PRKCA: variants seen among roughly 807,000 people sequenced by gnomAD.
PRKCA encodes protein kinase C alpha type.
Under a neutral mutation model 87.0 loss-of-function variants are expected in PRKCA, and 27 were observed. The observed-to-expected ratio is 0.31, with a 90% CI of 0.23 to 0.43. The LOEUF (loss-of-function observed/expected upper bound fraction) is 0.43, where lower values mean the gene tolerates loss of function less well. PRKCA is among the 20% of genes least tolerant of loss of function. PRKCA has a pLI of 1.00. For synonymous variants in PRKCA, 329 were observed against 311.1 expected (o/e 1.06, Z -0.61); for missense variants, 518 against 852.3 (o/e 0.61, Z 4.88).
intron 13 of PRKCA, among the ~76,000 whole-genome samples, chr17:66,752,903 G>T (rs1179562228): frequency 6.6e-6 from 1 of 152,156 alleles, no homozygotes; most frequent in Admixed American, 6.5e-5. Flanking sequence ...CGTTCTGCAG[G>T]TCAAAGACAG....
intron 8 of PRKCA, among the ~76,000 whole-genome samples, chr17:66,725,453 G>C (rs1049445298): frequency 2.0e-5 from 3 of 152,218 alleles, no homozygotes; most frequent in Non-Finnish European, 1.5e-5. Context: ...ATACAAACTT[G>C]AGTAAGACTT....
Position 66,596,663 on chromosome 17 carries a change from C to T in PRKCA, c.289-44692C>T, listed in dbSNP as rs538867204. Among the ~76,000 whole-genome samples the T allele has an allele frequency of 4.0e-3, 419 of 104,622 alleles. 4 individuals carry two copies. The highest frequency in any genetic ancestry group is 0.016 in the African/African-American group (400 of 24,474). The allele number at this position is 104,622 out of a possible 152,430, so 68.6% of individuals were successfully genotyped here. A position where few individuals can be genotyped will look rare whatever the true frequency, so the allele number is the denominator to read the frequency against. ...GTTACATATGTATACATGTGCCATG[C>T]TGGTGCGCTGCACCCACTAACGTGT... On this transcript the variant is annotated intron_variant, in intron 3 of 16. Coordinates refer to ENST00000413366, the MANE Select transcript of PRKCA (RefSeq NM_002737.3).
intron 2 of PRKCA, among the ~76,000 whole-genome samples, chr17:66,371,322 T>C (rs1034324905): frequency 1.3e-5 from 2 of 152,222 alleles, no homozygotes; most frequent in African/African-American, 4.8e-5. Context: ...CCACCTGTTC[T>C]GCATGAGAGC....
chr17:66,340,377 T>TTC (rs1415678358), intron 2 of PRKCA, among the ~76,000 whole-genome samples: 3 of 130,356 alleles, frequency 2.3e-5, no homozygotes, highest in Non-Finnish European at 4.7e-5. Context: ...TTTTTTTTTT[T>TTC]TTCTTTTTTT....
At chr17:66,526,575 G>A (rs1043782261) in intron 3 of PRKCA, among the ~76,000 whole-genome samples, 2 of 152,168 alleles carry the variant, frequency 1.3e-5, no homozygotes, top group African/African-American at 4.8e-5. Context: ...AGGAGGATGG[G>A]CAGAAACACT....
intron 3 of PRKCA, among the ~76,000 whole-genome samples, chr17:66,638,021 A>G (rs1971189563): frequency 6.6e-6 from 1 of 152,136 alleles, no homozygotes; most frequent in Non-Finnish European, 1.5e-5. Context: ...CTCTGCCATT[A>G]TAGCCAAAGA....
intron 14 of PRKCA, among the ~76,000 whole-genome samples, chr17:66,784,500 G>A (rs1334182456): frequency 6.6e-5 from 10 of 152,118 alleles, no homozygotes; most frequent in Admixed American, 1.3e-4. Flanking sequence ...ACCCACGTTG[G>A]CCTCCCAAAG....
At chr17:66,714,953 A>G (rs547868999) in intron 8 of PRKCA, among the ~76,000 whole-genome samples, 1 of 152,314 alleles carries the variant, frequency 6.6e-6, no homozygotes, top group African/African-American at 2.4e-5. Context: ...TGGATTAAAA[A>G]GGCTCAGTGA....
At chr17:66,653,762 G>C (rs1971653204) in intron 5 of PRKCA, among the ~76,000 whole-genome samples, 1 of 138,894 alleles carries the variant, frequency 7.2e-6, no homozygotes, top group African/African-American at 2.8e-5. Context: ...AAAGACACCA[G>C]CTTCTATTTC....
At position 66,618,866 on chromosome 17, in the gene PRKCA, T is replaced by C. The variant is rs59089431; in HGVS notation, c.289-22489T>C. 2.1e-3 allele frequency among the ~76,000 whole-genome samples: 318 copies of C among 151,888 alleles called. 1 individual carries two copies. Among genetic ancestry groups the C allele is most frequent in the African/African-American group, 7.3e-3 (303 of 41,502 alleles). ...ATAAATCTTCCCTCCCTCCCTCCCT[T>C]CCTTCCTTCCATTTGCTCATTTATT... is the stretch of plus-strand genomic sequence containing the variant. On this transcript the variant is annotated intron_variant, in intron 3 of 16. Transcript: ENST00000413366.
intron 3 of PRKCA, among the ~76,000 whole-genome samples, chr17:66,618,678 G>A (rs1037597607): frequency 6.6e-6 from 1 of 152,186 alleles, no homozygotes; most frequent in Non-Finnish European, 1.5e-5. Context: ...CCTTACTCAT[G>A]AATTTTAATA....
At position 66,588,083 on chromosome 17, in the gene PRKCA, C is replaced by T. The variant is rs374720437; in HGVS notation, c.289-53272C>T. Among the ~76,000 whole-genome samples the T allele has an allele frequency of 2.8e-4, 43 of 151,948 alleles. 1 individual carries two copies. The East Asian group carries it at 7.4e-3, about 26-fold the overall frequency. On this transcript the variant is annotated intron_variant, in intron 3 of 16. Transcript: ENST00000413366. Reference sequence around the variant, plus strand: ...AAAGTGTCTGAACCAATTTACATTCCACCAGCAGTGTTGGAGGATTCTACT... The same window carrying T: ...AAAGTGTCTGAACCAATTTACATTCTACCAGCAGTGTTGGAGGATTCTACT...
intron 2 of PRKCA, among the ~76,000 whole-genome samples, chr17:66,330,377 G>A (rs567607444): frequency 6.8e-4 from 104 of 152,296 alleles, no homozygotes; most frequent in South Asian, 2.5e-3. Context: ...AAAGTGCTGG[G>A]ATTACAGGCG....
At chr17:66,687,007 C>A in intron 5 of PRKCA, 104 bp from the exon 6 acceptor site, 2 of 1,070,920 alleles carry the variant, frequency 1.9e-6, no homozygotes, top group Non-Finnish European at 2.7e-6. Flanking sequence ...TCTCCTTAAA[C>A]GCCATTCTGA....
At chr17:66,326,202 T>C (rs1479280766) in intron 2 of PRKCA, among the ~76,000 whole-genome samples, 1 of 152,230 alleles carries the variant, frequency 6.6e-6, no homozygotes, top group Non-Finnish European at 1.5e-5. Context: ...AGTGTTTGAA[T>C]GTAGAGCTTC....
intron 3 of PRKCA, among the ~76,000 whole-genome samples, chr17:66,562,088 TAAATATATATAATTA>T (rs1968705856): frequency 1.8e-5 from 2 of 112,806 alleles, no homozygotes; most frequent in Non-Finnish European, 3.8e-5. Flanking sequence ...TATATATAAT[TAAATATATATAATTA>T]AATTATATAT....
chr17:66,520,890 C>CT (rs1967138166), intron 3 of PRKCA, among the ~76,000 whole-genome samples: 1 of 152,196 alleles, frequency 6.6e-6, no homozygotes, highest in African/African-American at 2.4e-5. Context: ...TCTCTGAGGT[C>CT]TGTCATTCCT....
At chr17:66,695,548 T>C (rs715219) in intron 8 of PRKCA, among the ~76,000 whole-genome samples, 9,618 of 152,300 alleles carry the variant, frequency 0.063, 357 homozygotes, top group East Asian at 0.16. Context: ...TTTTGCTCAA[T>C]TGTCCAGGCT....
rs771675464 is a variant in PRKCA at position 66,688,431 on chromosome 17, T to C, written c.816T>C (p.Ser272=). Residue 272 remains serine (S), a synonymous_variant, in exon 7 of 17, where the codon AGT becomes AGC. Coordinates refer to ENST00000413366, the MANE Select transcript of PRKCA (RefSeq NM_002737.3). ...GVSELMKMPA[S]GWYKLLNQEE... The stretch of plus-strand genomic sequence containing the variant: ...CGGAGCTGATGAAGATGCCGGCCAG[T>C]GGATGGTATGGAAGCCGCTTAGGTT... 8.1e-6 allele frequency: 13 copies of C among 1,613,916 alleles called. No homozygotes were observed. The highest frequency in any genetic ancestry group is 6.7e-5 in the Admixed American group (4 of 59,978).
Sources: allele counts gnomAD v4.1 joint callset (sites outside exome capture counted in the v4.1 genomes callset), GRCh38; gene constraint gnomAD v4.1.1; transcripts MANE v1.5; gene names NCBI Gene and HGNC (gene_info 2026-07-23, HGNC 2026-07-21).